OTUD7A: variants seen among roughly 807,000 people sequenced by gnomAD.
OTUD7A encodes the protein OTU domain-containing protein 7A.
Under a neutral mutation model 65.7 loss-of-function variants are expected in OTUD7A, and 12 were observed. That is an observed-to-expected ratio of 0.18 (90% CI 0.12 to 0.30). The LOEUF is 0.30. OTUD7A is among the 10% of genes least tolerant of loss of function. The probability of loss-of-function intolerance (pLI) is 1.00; values close to 1 mark genes in which losing one functional copy is unlikely to be tolerated. For missense variants in OTUD7A, 1,148 were observed against 1,304.8 expected, an observed-to-expected ratio of 0.88 and a Z score of 1.85; for synonymous variants, 641 against 586.3, an observed-to-expected ratio of 1.09 and a Z score of -1.35.
chr15:31,499,538 G>A (rs78386814), intron 10 of OTUD7A, among the ~76,000 whole-genome samples: 3,396 of 152,362 alleles, frequency 0.022, 73 homozygotes, highest in Non-Finnish European at 0.033. Context: ...TGTGACTTGA[G>A]AGCACAGCTG....
At chr15:31,865,871 C>G (rs1007950796) in intron 1 of OTUD7A, among the ~76,000 whole-genome samples, 1 of 152,140 alleles carries the variant, frequency 6.6e-6, no homozygotes, top group African/African-American at 2.4e-5. Flanking sequence ...AATGAATTTC[C>G]AAGGTCTAAT....
intron 3 of OTUD7A, among the ~76,000 whole-genome samples, chr15:31,636,652 C>A (rs1476840261): frequency 1.1e-5 from 1 of 90,416 alleles, no homozygotes; most frequent in Non-Finnish European, 2.7e-5. Flanking sequence ...AAAGCTAGGC[C>A]TCTTACACTA....
Position 31,482,452 on chromosome 15 carries a change from G to A in OTUD7A, c.*842C>T, listed in dbSNP as rs2041140044. On this transcript the variant is annotated 3_prime_UTR_variant, in exon 13 of 13. Transcript: ENST00000307050. ...GTCCACTGTGGAAGTGCCTTCAAAG[G>A]AGAAATGTGAGCAGCCTGTCCTATC... is the stretch of plus-strand genomic sequence containing the variant. 6.6e-6 allele frequency: 1 copy of A among 152,334 alleles called. No homozygotes were observed. Among genetic ancestry groups the A allele is most frequent in the Non-Finnish European group, 1.5e-5 (1 of 68,094 alleles). The allele number at this position is 152,334 out of a possible 1,614,324, so 9.4% of individuals were successfully genotyped here.
chr15:31,833,171 A>T (rs1896977176), intron 1 of OTUD7A, among the ~76,000 whole-genome samples: 1 of 152,246 alleles, frequency 6.6e-6, no homozygotes, highest in Admixed American at 6.5e-5. Flanking sequence ...TTCCCAGAGA[A>T]AAAATGAAGA....
Position 31,526,353 on chromosome 15 carries a change from C to G in OTUD7A, c.889G>C (p.Gly297Arg), listed in dbSNP as rs200886928. 3.3e-5 allele frequency: 53 copies of G among 1,591,200 alleles called. No individual in the cohort carries two copies. In the East Asian group the frequency reaches 5.2e-4, roughly 16 times the overall value. The change falls in exon 8 of 13, where the codon GGG (glycine) becomes CGG (arginine). Residue 297 changes from glycine to arginine, a missense_variant. This residue lies in a region of OTUD7A where 25 missense variants were observed against 18.7 expected (regional missense o/e 1.34). Transcript: ENST00000307050. ...GAGAGCAGGGGCAGCACTTACCCCC[C>G]GCCCGTGCCGCCATTCTTGCTGAAG... ...THFSKNGGTG[G>R]GVDNSEDPVY...
At chr15:31,820,756 T>G (rs907616313) in intron 1 of OTUD7A, among the ~76,000 whole-genome samples, 2 of 152,218 alleles carry the variant, frequency 1.3e-5, no homozygotes, top group African/African-American at 2.4e-5. Context: ...TCTTTTTATT[T>G]TTTCAATTTG....
chr15:31,664,805 T>C (rs1462711745), intron 1 of OTUD7A, among the ~76,000 whole-genome samples: 2 of 152,226 alleles, frequency 1.3e-5, no homozygotes, highest in Non-Finnish European at 2.9e-5. Context: ...TAGATATAAG[T>C]CATTAATCCC....
chr15:31,704,845 T>G (rs1893292590), intron 1 of OTUD7A, among the ~76,000 whole-genome samples: 2 of 152,254 alleles, frequency 1.3e-5, no homozygotes, highest in Admixed American at 1.3e-4. Context: ...AGCAAAGTTC[T>G]ATTCTTCCTC....
At chr15:31,835,475 G>C (rs1222198684) in intron 1 of OTUD7A, among the ~76,000 whole-genome samples, 3 of 152,170 alleles carry the variant, frequency 2.0e-5, no homozygotes, top group Non-Finnish European at 2.9e-5. Context: ...GCCATGTGCA[G>C]CAAATCCCCA....
intron 1 of OTUD7A, among the ~76,000 whole-genome samples, chr15:31,834,910 G>T (rs979668565): frequency 6.6e-6 from 1 of 152,214 alleles, no homozygotes; most frequent in East Asian, 1.9e-4. Flanking sequence ...CAAGACAAAT[G>T]AAGTGAGATC....
At chr15:31,624,287 A>G (rs1423910481) in intron 3 of OTUD7A, among the ~76,000 whole-genome samples, 1 of 152,260 alleles carries the variant, frequency 6.6e-6, no homozygotes, top group South Asian at 2.1e-4. Context: ...GATTATAATC[A>G]GCAAAATAAT....
chr15:31,750,949 G>GT (rs1220461859), intron 1 of OTUD7A, among the ~76,000 whole-genome samples: 2 of 152,136 alleles, frequency 1.3e-5, no homozygotes, highest in African/African-American at 2.4e-5. Flanking sequence ...AATCTTAAAT[G>GT]TAAGACCTCA....
At chr15:31,786,475 G>A (rs1178146622) in intron 1 of OTUD7A, among the ~76,000 whole-genome samples, 5 of 152,200 alleles carry the variant, frequency 3.3e-5, no homozygotes, top group Admixed American at 3.3e-4. Context: ...GTCTGTGTGT[G>A]AGACAGGGTG....
intron 1 of OTUD7A, among the ~76,000 whole-genome samples, chr15:31,817,348 T>C (rs1896577316): frequency 6.7e-6 from 1 of 148,610 alleles, no homozygotes; most frequent in South Asian, 2.2e-4. Context: ...TGGTCAGGAC[T>C]GATTAAAAAT....
chr15:31,651,905 T>C (rs1042072329), intron 3 of OTUD7A, among the ~76,000 whole-genome samples: 4 of 151,002 alleles, frequency 2.6e-5, no homozygotes, highest in Non-Finnish European at 4.4e-5. Context: ...TAACATAGGA[T>C]TGAGTTGTAG....
intron 8 of OTUD7A, among the ~76,000 whole-genome samples, chr15:31,510,634 TAC>T (rs1187146108): frequency 0.26 from 588 of 2,238 alleles, 257 homozygotes; most frequent in East Asian, 0.91. Context: ...ATATGTAACA[TAC>T]ATATGTATAT....
intron 1 of OTUD7A, among the ~76,000 whole-genome samples, chr15:31,778,565 T>G (rs1349198908): frequency 6.6e-6 from 1 of 152,170 alleles, no homozygotes; most frequent in African/African-American, 2.4e-5. Flanking sequence ...GCCCTAGTGT[T>G]TAGGATGCCC....
At chr15:31,638,319 C>T (rs35474662) in intron 3 of OTUD7A, among the ~76,000 whole-genome samples, 26,980 of 150,788 alleles carry the variant, frequency 0.18, 2,613 homozygotes, top group East Asian at 0.25. Flanking sequence ...AAGTTATGTA[C>T]ATTTTTTAGA....
At position 31,530,821 on chromosome 15, in the gene OTUD7A, C is replaced by T; in HGVS notation, c.551-13G>A. ...CAGTTCAGGCGACCTGGAAAAGAAG[C>T]TCACTTTAGAACAGGATCCCAGAAA... On this transcript the variant is annotated splice_polypyrimidine_tract_variant and intron_variant, in intron 5 of 12. Transcript: ENST00000307050. 6.2e-7 allele frequency: 1 copy of T among 1,612,380 alleles called. No individual in the cohort carries two copies.
Sources: gnomAD v4.1 joint callset for allele counts (sites outside exome capture counted in the v4.1 genomes callset) on GRCh38, gnomAD v4.1.1 for gene constraint, gnomAD v4.1.1 regional missense constraint, MANE v1.5 for transcripts, NCBI Gene and HGNC (gene_info 2026-07-23, HGNC 2026-07-21) for gene names.